Variants in GRM8 observed in about 807,000 individuals in gnomAD.
GRM8 encodes glutamate metabotropic receptor 8, also known as metabotropic glutamate receptor 8.
Under a neutral mutation model 87.2 loss-of-function variants are expected in GRM8, and 47 were observed. That is an observed-to-expected ratio of 0.54 (90% CI 0.43 to 0.69). The LOEUF (loss-of-function observed/expected upper bound fraction) is 0.69. GRM8 is among the 30% of genes least tolerant of loss of function. The pLI, the probability that GRM8 is intolerant of heterozygous loss-of-function variation, is 0.00. For synonymous variants in GRM8, 396 were observed against 404.5 expected, an observed-to-expected ratio of 0.98 and a Z score of 0.25; for missense variants, 1,019 against 1,139.2, an observed-to-expected ratio of 0.89 and a Z score of 1.52.
rs138066637 is a variant in GRM8 at position 126,843,503 on chromosome 7, T to C, written c.1156+59039A>G. On this transcript the variant is annotated intron_variant, in intron 6 of 10. Transcript: ENST00000339582. ...CTTCTTAGTTTCAGTTGGGTCTTCATAGCATCCTGCAAAAATGCATGGCAA... is the reference window on the plus strand; with the variant it reads ...CTTCTTAGTTTCAGTTGGGTCTTCACAGCATCCTGCAAAAATGCATGGCAA... Among the ~76,000 whole-genome samples, 61 of 152,358 alleles carry C rather than the reference T, an allele frequency of 4.0e-4. No homozygotes were observed. In the East Asian group the frequency reaches 0.011, roughly 27 times the overall value.
At chr7:126,589,354 GT>G in intron 8 of GRM8, among the ~76,000 whole-genome samples, 1 of 152,084 alleles carries the variant, frequency 6.6e-6, no homozygotes, top group East Asian at 1.9e-4. Context: ...ACTGTCGGCT[GT>G]CCCCCACTTC....
chr7:127,160,590 G>T (rs1465199962), intron 2 of GRM8, among the ~76,000 whole-genome samples: 2 of 152,058 alleles, frequency 1.3e-5, no homozygotes, highest in African/African-American at 4.8e-5. Context: ...GCAAAATCCT[G>T]CACCCTCACA....
intron 2 of GRM8, among the ~76,000 whole-genome samples, chr7:127,193,285 A>ATT (rs1205264349): frequency 6.6e-6 from 1 of 152,216 alleles, no homozygotes; most frequent in Non-Finnish European, 1.5e-5. Context: ...TCAAACATAA[A>ATT]TGAGAATGTA....
Position 126,800,102 on chromosome 7 carries a change from C to A in GRM8, c.1157-30037G>T, listed in dbSNP as rs1160039656. Reference sequence around the variant, plus strand: ...TGACATGGTTATCCTCCAACACAAGCTCTAACTTTCAAGTTTTTTTTAAAA... The same window carrying A: ...TGACATGGTTATCCTCCAACACAAGATCTAACTTTCAAGTTTTTTTTAAAA... On this transcript the variant is annotated intron_variant, in intron 6 of 10. Transcript: ENST00000339582. Among the ~76,000 whole-genome samples the A allele has an allele frequency of 3.3e-5, 5 of 152,044 alleles. No individual in the cohort carries two copies. The East Asian group carries it at 9.6e-4, about 29-fold the overall frequency.
At chr7:127,164,862 G>A (rs1793340027) in intron 2 of GRM8, among the ~76,000 whole-genome samples, 1 of 151,890 alleles carries the variant, frequency 6.6e-6, no homozygotes, top group Non-Finnish European at 1.5e-5. Flanking sequence ...CCTTGGGCAA[G>A]TTACTTAACC....
chr7:126,984,098 A>T (rs1239845404), intron 3 of GRM8, among the ~76,000 whole-genome samples: 1 of 152,202 alleles, frequency 6.6e-6, no homozygotes, highest in Non-Finnish European at 1.5e-5. Flanking sequence ...CCATATCAGT[A>T]TTTAAGTATT....
intron 3 of GRM8, among the ~76,000 whole-genome samples, chr7:126,917,190 G>A (rs1297623249): frequency 6.6e-6 from 1 of 152,004 alleles, no homozygotes; most frequent in Non-Finnish European, 1.5e-5. Context: ...TTGGCCAGCT[G>A]GTCTCGAACT....
chr7:126,794,260 T>C (rs987978865), intron 6 of GRM8, among the ~76,000 whole-genome samples: 3 of 152,174 alleles, frequency 2.0e-5, no homozygotes, highest in African/African-American at 4.8e-5. Flanking sequence ...CTATTAACCT[T>C]GTGGAATGCA....
intron 8 of GRM8, among the ~76,000 whole-genome samples, chr7:126,547,127 G>GTGAT (rs1817242339): frequency 1.3e-5 from 2 of 152,110 alleles, no homozygotes; most frequent in African/African-American, 4.8e-5. Flanking sequence ...ATGATATTAG[G>GTGAT]TGATTTTTCA....
intron 7 of GRM8, among the ~76,000 whole-genome samples, chr7:126,678,438 A>G (rs892851363): frequency 1.3e-5 from 2 of 152,218 alleles, no homozygotes; most frequent in Non-Finnish European, 2.9e-5. Context: ...ACTGAGTGTT[A>G]TATTTGTGTG....
At chr7:126,943,397 G>A (rs1001192335) in intron 3 of GRM8, among the ~76,000 whole-genome samples, 4 of 152,188 alleles carry the variant, frequency 2.6e-5, no homozygotes, top group Non-Finnish European at 4.4e-5. Context: ...GATCAAAGTA[G>A]CTAAAGATGA....
chr7:126,717,199 C>T (rs932462766), intron 7 of GRM8, among the ~76,000 whole-genome samples: 6 of 151,786 alleles, frequency 4.0e-5, no homozygotes, highest in African/African-American at 1.5e-4. Context: ...AAATCTATGG[C>T]CCTCAGGCAA....
chr7:126,506,794 G>A (rs1303536019), intron 9 of GRM8, among the ~76,000 whole-genome samples: 1 of 151,460 alleles, frequency 6.6e-6, no homozygotes, highest in South Asian at 2.1e-4. Flanking sequence ...AAAAAAAAAA[G>A]AAAAAGAAAA....
At chr7:126,695,685 G>A (rs930622817) in intron 7 of GRM8, among the ~76,000 whole-genome samples, 8 of 152,068 alleles carry the variant, frequency 5.3e-5, no homozygotes, top group Non-Finnish European at 7.4e-5. Context: ...GTTTTTATTC[G>A]GCTTGCTAAG....
At chr7:126,897,507 G>A (rs1190199236) in intron 6 of GRM8, among the ~76,000 whole-genome samples, 1 of 151,990 alleles carries the variant, frequency 6.6e-6, no homozygotes, top group African/African-American at 2.4e-5. Flanking sequence ...CAATTCTCAA[G>A]AGAGTCTGTG....
chr7:126,894,851 C>T (rs1801396169), intron 6 of GRM8, among the ~76,000 whole-genome samples: 1 of 151,974 alleles, frequency 6.6e-6, no homozygotes, highest in Non-Finnish European at 1.5e-5. Context: ...ACCAACTTGA[C>T]CAGATGAGCC....
intron 3 of GRM8, among the ~76,000 whole-genome samples, chr7:127,072,781 A>C (rs551697132): frequency 6.6e-6 from 1 of 152,252 alleles, no homozygotes; most frequent in East Asian, 1.9e-4. Context: ...TGGGGAGAGA[A>C]AGCTGTAGGT....
intron 6 of GRM8, among the ~76,000 whole-genome samples, chr7:126,832,365 C>T (rs934889825): frequency 2.0e-5 from 3 of 152,068 alleles, no homozygotes; most frequent in African/African-American, 7.2e-5. Context: ...GTCTTAACAA[C>T]TCATTGTAAA....
intron 2 of GRM8, among the ~76,000 whole-genome samples, chr7:127,169,184 T>C (rs897651846): frequency 3.3e-5 from 5 of 151,940 alleles, no homozygotes; most frequent in African/African-American, 4.8e-5. Flanking sequence ...GTCGTGAATA[T>C]GAAGAAAAAA....
Sources: allele counts gnomAD v4.1 joint callset (sites outside exome capture counted in the v4.1 genomes callset), GRCh38; gene constraint gnomAD v4.1.1; transcripts MANE v1.5; gene names NCBI Gene and HGNC (gene_info 2026-07-23, HGNC 2026-07-21).